The following AFF2 variants were observed in gnomAD, a reference collection of about 807,000 sequenced individuals.
The protein encoded by AFF2 is ALF transcription elongation factor 2, also known as AF4/FMR2 family member 2.
AFF2 carries 14 observed loss-of-function variants against 76.9 expected under a neutral mutation model. The ratio of observed to expected loss-of-function variants is 0.18; its 90% CI spans 0.12 to 0.28. AFF2 has a LOEUF of 0.28. AFF2 is among the 10% of genes least tolerant of loss of function. The pLI is 1.00. For missense variants in AFF2, 868 were observed against 1,001.1 expected, an observed-to-expected ratio of 0.87 and a Z score of 1.79; for synonymous variants, 398 against 366.7, an observed-to-expected ratio of 1.09 and a Z score of -0.98.
chrX:148,575,616 C>T (rs181740095), intron 1 of AFF2, among the ~76,000 whole-genome samples: 1,460 of 110,254 alleles, frequency 0.013, 11 homozygotes, highest in Middle Eastern at 0.023. Context: ...CTTTCTTCTT[C>T]CCTGAATATG....
rs1389648461 is a variant in AFF2, at chrX:148,923,578, AGT to A, written c.1397+19328_1397+19329del. Among the ~76,000 whole-genome samples, 3 of 110,549 alleles carry A rather than the reference AGT, an allele frequency of 2.7e-5. No homozygotes were observed. In the Admixed American group the frequency reaches 2.9e-4, roughly 11 times the overall value. ...TAGCTCACTAGTAAGTAAAACCCAA[AGT>A]GTGTGTGATAGATAAAATATGGGCA... On this transcript the variant is annotated intron_variant, in intron 9 of 20. Transcript: ENST00000370460.
chrX:148,505,510 T>C (rs2052401885), intron 1 of AFF2, among the ~76,000 whole-genome samples: 1 of 111,343 alleles, frequency 9.0e-6, no homozygotes, highest in Non-Finnish European at 1.9e-5. Flanking sequence ...TGGATACAAA[T>C]TATATTGTAT....
Position 148,822,989 on chromosome X carries a change from G to A in AFF2, c.1086+13069G>A, listed in dbSNP as rs962804884. Among the ~76,000 whole-genome samples, 54 of 111,278 alleles carry A rather than the reference G, an allele frequency of 4.9e-4. 1 individual carries two copies. Among genetic ancestry groups the A allele is most frequent in the African/African-American group, 1.4e-3 (43 of 30,610 alleles). On this transcript the variant is annotated intron_variant, in intron 4 of 20. Coordinates refer to ENST00000370460, the MANE Select transcript of AFF2 (RefSeq NM_002025.4). Reference sequence around the variant, plus strand: ...CTTACTACTTCTCAGGACCTGTTGCGTTCAGAGGATACCCGAAAAGCTAGT... The same window carrying A: ...CTTACTACTTCTCAGGACCTGTTGCATTCAGAGGATACCCGAAAAGCTAGT...
chrX:148,806,817 G>A (rs1014750421), intron 3 of AFF2, among the ~76,000 whole-genome samples: 1 of 112,096 alleles, frequency 8.9e-6, no homozygotes, highest in South Asian at 3.7e-4. Context: ...GAGACTCCGA[G>A]TGATTTGTAT....
At chrX:148,989,308 A>G (rs1368992054) in intron 20 of AFF2, among the ~76,000 whole-genome samples, 1 of 112,567 alleles carries the variant, frequency 8.9e-6, no homozygotes, top group African/African-American at 3.2e-5. Flanking sequence ...AAATCTGTTA[A>G]AAGTATTTCC....
At chrX:148,799,683 A>G (rs73638192) in intron 3 of AFF2, among the ~76,000 whole-genome samples, 136 of 112,436 alleles carry the variant, frequency 1.2e-3, no homozygotes, top group African/African-American at 4.2e-3. Flanking sequence ...TTAGAGCCAG[A>G]AAATTATTGG....
At chrX:148,638,805 G>A (rs181280334) in intron 1 of AFF2, among the ~76,000 whole-genome samples, 17 of 111,389 alleles carry the variant, frequency 1.5e-4, no homozygotes, top group East Asian at 8.5e-4. Flanking sequence ...ATCTGCCCCC[G>A]TGACCTAAGT....
chrX:148,988,011 G>T (rs1367823561), intron 20 of AFF2, among the ~76,000 whole-genome samples: 2 of 111,595 alleles, frequency 1.8e-5, no homozygotes, highest in African/African-American at 6.5e-5. Flanking sequence ...TGGAAGCAAG[G>T]GCCAAAGTTC....
intron 3 of AFF2, among the ~76,000 whole-genome samples, chrX:148,727,044 A>C (rs1360676704): frequency 2.7e-5 from 3 of 112,061 alleles, no homozygotes; most frequent in Non-Finnish European, 5.6e-5. Flanking sequence ...AGTCAGATTT[A>C]AATGTTTATT....
chrX:148,803,099 T>C (rs2124634573), intron 3 of AFF2, among the ~76,000 whole-genome samples: 1 of 111,322 alleles, frequency 9.0e-6, no homozygotes, highest in East Asian at 2.8e-4. Flanking sequence ...GGGACAGAAG[T>C]GGGTATCCTG....
intron 1 of AFF2, among the ~76,000 whole-genome samples, chrX:148,516,486 A>G (rs997871995): frequency 7.1e-5 from 8 of 112,031 alleles, no homozygotes; most frequent in Admixed American, 9.5e-5. Context: ...GCTTCCTGTG[A>G]AACCATACAT....
At chrX:148,937,878 A>G (rs1022084252) in intron 9 of AFF2, among the ~76,000 whole-genome samples, 32 of 112,618 alleles carry the variant, frequency 2.8e-4, no homozygotes, top group African/African-American at 1.0e-3. Context: ...TAAAATTTGT[A>G]TGAAAAAGTC....
At chrX:148,532,669 T>G (rs2052742259) in intron 1 of AFF2, among the ~76,000 whole-genome samples, 1 of 112,460 alleles carries the variant, frequency 8.9e-6, no homozygotes, top group African/African-American at 3.2e-5. Context: ...TCACATTCAG[T>G]GTTTTAAGCA....
At chrX:148,551,482 G>GA (rs781883999) in intron 1 of AFF2, among the ~76,000 whole-genome samples, 1,415 of 37,908 alleles carry the variant, frequency 0.037, 69 homozygotes, top group Admixed American at 0.11. Flanking sequence ...GCTGGGAAGT[G>GA]AAAAAAAAAA....
At chrX:148,626,256 G>A (rs1051993891) in intron 1 of AFF2, among the ~76,000 whole-genome samples, 5 of 109,766 alleles carry the variant, frequency 4.6e-5, no homozygotes, top group Non-Finnish European at 7.6e-5. Context: ...TTAATATTTA[G>A]CCAGACAGGC....
intron 3 of AFF2, among the ~76,000 whole-genome samples, chrX:148,676,160 C>T (rs782718945): frequency 6.5e-5 from 7 of 107,238 alleles, no homozygotes; most frequent in Admixed American, 5.0e-4. Flanking sequence ...CCCAGGTTCA[C>T]GCCATTCTCC....
intron 19 of AFF2, 107 bp from the exon 20 acceptor site, chrX:148,987,260 C>T: frequency 8.1e-6 from 6 of 742,581 alleles, no homozygotes; most frequent in Non-Finnish European, 1.2e-5. Context: ...AACTTCACTC[C>T]AGCAAATGGC....
intron 1 of AFF2, among the ~76,000 whole-genome samples, chrX:148,607,073 A>G (rs782335888): frequency 4.5e-5 from 5 of 111,300 alleles, no homozygotes; most frequent in Non-Finnish European, 9.4e-5. Flanking sequence ...AAGAAAATTG[A>G]GACCTTACTA....
chrX:148,519,372 A>G (rs6654980), intron 1 of AFF2, among the ~76,000 whole-genome samples: 62 of 112,709 alleles, frequency 5.5e-4, no homozygotes, highest in African/African-American at 1.9e-3. Context: ...TTCATAGCAT[A>G]ATGGAATAAA....
Sources: gnomAD v4.1 joint callset for allele counts (sites outside exome capture counted in the v4.1 genomes callset) on GRCh38, gnomAD v4.1.1 for gene constraint, MANE v1.5 for transcripts, NCBI Gene and HGNC (gene_info 2026-07-23, HGNC 2026-07-21) for gene names.